Variants in NCKAP5 observed in about 807,000 individuals in gnomAD.
NCKAP5 encodes NCK associated protein 5, also known as nck-associated protein 5.
NCKAP5 carries 92 observed loss-of-function variants against 167.0 expected under a neutral mutation model. That is an observed-to-expected ratio of 0.55 (90% CI 0.47 to 0.66). The LOEUF is 0.66. Ranked by LOEUF, NCKAP5 falls within the 30% of genes least tolerant of loss-of-function variation. The pLI is 0.00. For synonymous variants in NCKAP5, 891 were observed against 877.4 expected (o/e 1.02, Z -0.27); for missense variants, 2,378 against 2,315.0 (o/e 1.03, Z -0.56).
At chr2:133,346,655 G>T (rs920946712) in intron 3 of NCKAP5, among the ~76,000 whole-genome samples, 7 of 152,204 alleles carry the variant, frequency 4.6e-5, no homozygotes, top group Admixed American at 3.9e-4. Context: ...CCCACGCAAG[G>T]AGCACTGGGT....
At chr2:133,356,513 G>A (rs1684727051) in intron 3 of NCKAP5, among the ~76,000 whole-genome samples, 1 of 152,206 alleles carries the variant, frequency 6.6e-6, no homozygotes, top group African/African-American at 2.4e-5. Flanking sequence ...GCATGATGTT[G>A]AAAACTGAAC....
intron 2 of NCKAP5, among the ~76,000 whole-genome samples, chr2:133,547,340 A>G (rs902191104): frequency 2.6e-5 from 4 of 152,168 alleles, no homozygotes; most frequent in Non-Finnish European, 2.9e-5. Flanking sequence ...TAGGTAAACA[A>G]AGCAGCCAGG....
chr2:133,101,337 G>A (rs1245446651), intron 6 of NCKAP5, among the ~76,000 whole-genome samples: 3 of 140,018 alleles, frequency 2.1e-5, no homozygotes, highest in South Asian at 2.3e-4. Context: ...CAGGTAGTGC[G>A]ATGCCTCCAG....
chr2:133,107,557 T>G (rs11887605), intron 6 of NCKAP5, among the ~76,000 whole-genome samples: 2 of 152,252 alleles, frequency 1.3e-5, no homozygotes, highest in Admixed American at 6.5e-5. Flanking sequence ...GCAGTCCATC[T>G]GCATGGAGTG....
intron 4 of NCKAP5, among the ~76,000 whole-genome samples, chr2:133,221,946 C>T (rs1319449991): frequency 6.6e-6 from 1 of 152,214 alleles, no homozygotes; most frequent in Non-Finnish European, 1.5e-5. Flanking sequence ...TTCCAGGTCA[C>T]TTCTTTGAGA....
chr2:133,164,814 T>A (rs1345348368), intron 5 of NCKAP5, among the ~76,000 whole-genome samples: 1 of 152,170 alleles, frequency 6.6e-6, no homozygotes, highest in African/African-American at 2.4e-5. Flanking sequence ...GGAAATGAAA[T>A]AATGTGTTTT....
chr2:132,817,506 GT>G lies in NCKAP5; in HGVS notation c.808-20778del, dbSNP rs199819448. On this transcript the variant is annotated intron_variant, in intron 11 of 19. Transcript: ENST00000409261. The stretch of plus-strand genomic sequence containing the variant: ...CTCAAATCTTAAGAAATTCCCTGAT[GT>G]TTTTGTGTATAAAGAGGTTAATTTG... Among the ~76,000 whole-genome samples the G allele has an allele frequency of 5.4e-3, 824 of 152,228 alleles. 27 individuals carry two copies. The highest frequency in any genetic ancestry group is 0.049 in the Admixed American group (752 of 15,302).
At chr2:133,642,689 A>G in the NCKAP5 span, among the ~76,000 whole-genome samples, 40 of 152,344 alleles carry the variant, frequency 2.6e-4, no homozygotes, top group Non-Finnish European at 5.0e-4. Flanking sequence ...TCCCCTTGTA[A>G]TATTGACAGG....
At chr2:133,129,302 G>T (rs1305819483) in intron 6 of NCKAP5, among the ~76,000 whole-genome samples, 1 of 150,848 alleles carries the variant, frequency 6.6e-6, no homozygotes, top group Non-Finnish European at 1.5e-5. Flanking sequence ...GTGTCCATGT[G>T]TGCTCATTGT....
At chr2:133,611,274 GC>G in the NCKAP5 span, among the ~76,000 whole-genome samples, 1 of 122,308 alleles carries the variant, frequency 8.2e-6, no homozygotes, top group Admixed American at 9.0e-5. Context: ...CCCGCCACCC[GC>G]CACCACCTCC....
the NCKAP5 span, among the ~76,000 whole-genome samples, chr2:133,582,990 G>C: frequency 2.0e-5 from 3 of 152,126 alleles, no homozygotes; most frequent in African/African-American, 7.2e-5. Flanking sequence ...GTTGACCCAG[G>C]CATCTTTATT....
chr2:133,452,784 C>T (rs1023707420), intron 3 of NCKAP5, among the ~76,000 whole-genome samples: 6 of 152,124 alleles, frequency 3.9e-5, no homozygotes, highest in African/African-American at 1.4e-4. Flanking sequence ...CATGCCCTCC[C>T]GTGATGTCCC....
intron 16 of NCKAP5, among the ~76,000 whole-genome samples, chr2:132,733,655 A>G (rs1691235376): frequency 6.6e-6 from 1 of 152,242 alleles, no homozygotes; most frequent in South Asian, 2.1e-4. Flanking sequence ...ATAGGTGAAC[A>G]GCTTATCCTT....
intron 3 of NCKAP5, among the ~76,000 whole-genome samples, chr2:133,461,517 G>C (rs537365754): frequency 6.6e-6 from 1 of 152,218 alleles, no homozygotes; most frequent in Admixed American, 6.5e-5. Flanking sequence ...TAGATCAATG[G>C]GACAGATCTC....
chr2:132,848,125 C>T (rs1321009308), intron 11 of NCKAP5, among the ~76,000 whole-genome samples: 1 of 152,146 alleles, frequency 6.6e-6, no homozygotes, highest in African/African-American at 2.4e-5. Flanking sequence ...CAAAATTTAG[C>T]TACTGAAAAG....
intron 8 of NCKAP5, among the ~76,000 whole-genome samples, chr2:132,960,270 A>T (rs973704534): frequency 3.3e-5 from 5 of 152,214 alleles, no homozygotes; most frequent in African/African-American, 7.2e-5. Context: ...AGCCCATGAC[A>T]TGGCATGCAG....
chr2:133,299,252 A>C (rs1170003819), intron 4 of NCKAP5, among the ~76,000 whole-genome samples: 1 of 152,216 alleles, frequency 6.6e-6, no homozygotes, highest in Non-Finnish European at 1.5e-5. Context: ...CCCAAGACCT[A>C]GAACGCCTGA....
At chr2:133,502,475 A>G (rs1426329199) in intron 3 of NCKAP5, among the ~76,000 whole-genome samples, 2 of 152,204 alleles carry the variant, frequency 1.3e-5, no homozygotes, top group Non-Finnish European at 2.9e-5. Context: ...TACAATAGAT[A>G]GATAGATATG....
chr2:133,321,126 G>T (rs920159641), intron 3 of NCKAP5, among the ~76,000 whole-genome samples: 1 of 152,160 alleles, frequency 6.6e-6, no homozygotes, highest in African/African-American at 2.4e-5. Flanking sequence ...CAGGTGGACT[G>T]CTCAGGAATA....
Sources: gnomAD v4.1 joint callset for allele counts (sites outside exome capture counted in the v4.1 genomes callset) on GRCh38, gnomAD v4.1.1 for gene constraint, MANE v1.5 for transcripts, NCBI Gene and HGNC (gene_info 2026-07-23, HGNC 2026-07-21) for gene names.